The following ACSS3 variants were observed in gnomAD, a reference collection of about 807,000 sequenced individuals.
ACSS3 encodes the protein acyl-CoA synthetase short-chain family member 3, mitochondrial.
In ACSS3, 64 loss-of-function variants were observed where a neutral mutation model predicts 84.2. That is an observed-to-expected ratio of 0.76 (90% CI 0.62 to 0.94). ACSS3 has a LOEUF of 0.94. Ranked by LOEUF, ACSS3 falls within the 40% of genes least tolerant of loss-of-function variation. The probability of loss-of-function intolerance (pLI) is 0.00; values close to 1 mark genes in which losing one functional copy is unlikely to be tolerated. For synonymous variants in ACSS3, 317 were observed against 310.1 expected, an observed-to-expected ratio of 1.02 and a Z score of -0.23; for missense variants, 815 against 867.6, an observed-to-expected ratio of 0.94 and a Z score of 0.76.
At chr12:81,180,980 G>C (rs1372001398) in intron 8 of ACSS3, among the ~76,000 whole-genome samples, 1 of 152,094 alleles carries the variant, frequency 6.6e-6, no homozygotes, top group Non-Finnish European at 1.5e-5. Context: ...CAAAAAGTGG[G>C]CTTGAATTAA....
At chr12:81,192,264 C>G (rs2031608803) in intron 8 of ACSS3, among the ~76,000 whole-genome samples, 1 of 152,072 alleles carries the variant, frequency 6.6e-6, no homozygotes, top group African/African-American at 2.4e-5. Context: ...GCCTGTAATC[C>G]CAGCTACTTG....
At position 81,102,079 on chromosome 12, in the gene ACSS3, A is replaced by G. The variant is rs964263350; in HGVS notation, c.312-7481A>G. Among the ~76,000 whole-genome samples the G allele has an allele frequency of 3.3e-5, 5 of 151,838 alleles. No homozygotes were observed. The East Asian group carries it at 5.8e-4, about 18-fold the overall frequency. On this transcript the variant is annotated intron_variant, in intron 1 of 15. Coordinates refer to ENST00000548058, the MANE Select transcript of ACSS3 (RefSeq NM_024560.4). ...CACACACACACACACATATTCTAGC[A>G]CATACATATATATATACACACACAC... is the stretch of plus-strand genomic sequence containing the variant.
At chr12:81,212,213 C>T (rs924433246) in intron 9 of ACSS3, among the ~76,000 whole-genome samples, 1 of 152,204 alleles carries the variant, frequency 6.6e-6, no homozygotes, top group African/African-American at 2.4e-5. Flanking sequence ...TGTTCATTAT[C>T]TCCCCAGTTA....
At chr12:81,196,753 T>A (rs1044495188) in intron 8 of ACSS3, among the ~76,000 whole-genome samples, 42 of 152,042 alleles carry the variant, frequency 2.8e-4, no homozygotes, top group Non-Finnish European at 8.8e-5. Flanking sequence ...AGAGCAGGCA[T>A]CTCACATAGC....
At chr12:81,167,714 C>T (rs752815002) in intron 7 of ACSS3, among the ~76,000 whole-genome samples, 22 of 152,300 alleles carry the variant, frequency 1.4e-4, no homozygotes, top group Non-Finnish European at 2.1e-4. Flanking sequence ...GCCCCACCTT[C>T]CAACACTGTT....
At chr12:81,186,789 A>G (rs1313256410) in intron 8 of ACSS3, among the ~76,000 whole-genome samples, 1 of 151,866 alleles carries the variant, frequency 6.6e-6, no homozygotes, top group Non-Finnish European at 1.5e-5. Flanking sequence ...CATTTTAGAA[A>G]ACAGTATGGA....
chr12:81,137,013 C>T (rs531173658), intron 3 of ACSS3, among the ~76,000 whole-genome samples: 13 of 152,100 alleles, frequency 8.5e-5, no homozygotes, highest in Non-Finnish European at 1.9e-4. Flanking sequence ...CTAATATATA[C>T]TGAAGGCCCC....
chr12:81,245,579 A>G (rs1274604028), intron 13 of ACSS3, among the ~76,000 whole-genome samples: 1 of 152,200 alleles, frequency 6.6e-6, no homozygotes, highest in African/African-American at 2.4e-5. Flanking sequence ...GTTACAGAAT[A>G]GTTTCTTTTA....
chr12:81,178,251 G>A (rs1372179022), intron 8 of ACSS3, among the ~76,000 whole-genome samples: 5 of 149,348 alleles, frequency 3.3e-5, no homozygotes, highest in African/African-American at 1.2e-4. Flanking sequence ...ACTCATAGGT[G>A]GGAATTGAAC....
rs571456731 is a variant in ACSS3 at position 81,094,380 on chromosome 12, A to C, written c.312-15180A>C. ...GACACTCAACACTGAATTCTGTGAA[A>C]TCTTAGTATTTTGTCACATTAGTTT... On this transcript the variant is annotated intron_variant, in intron 1 of 15. Coordinates refer to ENST00000548058, the MANE Select transcript of ACSS3 (RefSeq NM_024560.4). 23 of 152,334 alleles carry C rather than the reference A, an allele frequency of 1.5e-4. No homozygotes were observed. The South Asian group carries it at 4.6e-3, about 30-fold the overall frequency. 9.4% of individuals were successfully genotyped at this position (152,334 alleles called of 1,614,324 possible). A position where few individuals can be genotyped will look rare whatever the true frequency, so the allele number is the denominator to read the frequency against.
Position 81,078,113 on chromosome 12 carries a change from C to A in ACSS3, c.-8C>A, listed in dbSNP as rs373728095. The stretch of plus-strand genomic sequence containing the variant: ...CGCACACTCGGGGACCGCGGGTGGC[C>A]GGAGGAGATGAAACCGTCTTGGCTG... On this transcript the variant is annotated 5_prime_UTR_variant, in exon 1 of 16. Coordinates refer to ENST00000548058, the MANE Select transcript of ACSS3 (RefSeq NM_024560.4). 20 of 1,467,890 alleles carry A rather than the reference C, an allele frequency of 1.4e-5. No homozygotes were observed. The African/African-American group carries it at 2.7e-4, about 20-fold the overall frequency. The allele number at this position is 1,467,890 out of a possible 1,614,324, so 90.9% of individuals were successfully genotyped here.
chr12:81,139,825 C>CG (rs1247640129), intron 4 of ACSS3, among the ~76,000 whole-genome samples: 1 of 151,526 alleles, frequency 6.6e-6, no homozygotes, highest in Non-Finnish European at 1.5e-5. Flanking sequence ...TTAGTAGAGA[C>CG]GGGGTTTCAC....
chr12:81,109,957 G>A (rs1883436290), intron 2 of ACSS3, among the ~76,000 whole-genome samples: 1 of 152,126 alleles, frequency 6.6e-6, no homozygotes, highest in South Asian at 2.1e-4. Context: ...CTGAGAATAT[G>A]TGTCACTCTT....
At chr12:81,097,286 T>C (rs1032340619) in intron 1 of ACSS3, among the ~76,000 whole-genome samples, 1 of 152,188 alleles carries the variant, frequency 6.6e-6, no homozygotes, top group Admixed American at 6.5e-5. Flanking sequence ...CATTGCAATC[T>C]CTCAGTTCTG....
At chr12:81,221,900 A>G (rs1241280739) in intron 11 of ACSS3, among the ~76,000 whole-genome samples, 1 of 152,140 alleles carries the variant, frequency 6.6e-6, no homozygotes, top group Non-Finnish European at 1.5e-5. Flanking sequence ...CATCTATTTC[A>G]TAAAACAAGA....
intron 2 of ACSS3, among the ~76,000 whole-genome samples, chr12:81,134,300 A>G (rs991379972): frequency 1.3e-4 from 20 of 152,180 alleles, no homozygotes; most frequent in African/African-American, 4.8e-4. Context: ...ATAATAATAT[A>G]GTAGAATTTG....
chr12:81,078,145 C>A lies in ACSS3; in HGVS notation c.25C>A (p.Arg9Ser). 1 of 1,506,030 alleles carries A rather than the reference C, an allele frequency of 6.6e-7. No individual in the cohort carries two copies. The highest frequency in any genetic ancestry group is 2.4e-5 in the East Asian group (1 of 40,970). The allele number at this position is 1,506,030 out of a possible 1,614,324, so 93.3% of individuals were successfully genotyped here. A position where few individuals can be genotyped will look rare whatever the true frequency, so the allele number is the denominator to read the frequency against. MKPSWLQCRKVTSAGGLGG... is the reference protein window; with the variant it reads MKPSWLQCSKVTSAGGLGG... The stretch of plus-strand genomic sequence containing the variant: ...GATGAAACCGTCTTGGCTGCAGTGT[C>A]GTAAAGTCACCAGCGCCGGGGGGCT... Residue 9 changes from arginine (R) to serine (S), a missense_variant, in exon 1 of 16, where the codon CGT becomes AGT. By Grantham distance (110) the Arg-to-Ser change is moderately radical. Coordinates refer to ENST00000548058, the MANE Select transcript of ACSS3 (RefSeq NM_024560.4).
chr12:81,183,228 T>C (rs78871505), intron 8 of ACSS3, among the ~76,000 whole-genome samples: 9,226 of 152,280 alleles, frequency 0.061, 352 homozygotes, highest in African/African-American at 0.096. Context: ...GGTTTCTTTC[T>C]ACAAGCGGCA....
intron 13 of ACSS3, among the ~76,000 whole-genome samples, chr12:81,245,257 C>T (rs188183777): frequency 1.4e-4 from 22 of 152,196 alleles, no homozygotes; most frequent in African/African-American, 4.3e-4. Context: ...GTCAGGAGAT[C>T]GAGACCATCC....
Sources: gnomAD v4.1 joint callset for allele counts (sites outside exome capture counted in the v4.1 genomes callset) on GRCh38, gnomAD v4.1.1 for gene constraint, MANE v1.5 for transcripts, NCBI Gene and HGNC (gene_info 2026-07-23, HGNC 2026-07-21) for gene names.